Variants in LAMA2 observed in about 807,000 individuals in gnomAD.
LAMA2 encodes the protein laminin subunit alpha 2, also known as laminin subunit alpha-2.
Under a neutral mutation model 364.8 loss-of-function variants are expected in LAMA2, and 269 were observed. That is an observed-to-expected ratio of 0.74 (90% CI 0.67 to 0.82). LAMA2 has a LOEUF of 0.82. Ranked by LOEUF, LAMA2 falls within the 40% of genes least tolerant of loss-of-function variation. The pLI, the probability that LAMA2 is intolerant of heterozygous loss-of-function variation, is 0.00. For missense variants in LAMA2, 3,807 were observed against 3,873.2 expected (o/e 0.98, Z 0.45); for synonymous variants, 1,379 against 1,370.6 (o/e 1.01, Z -0.14).
intron 1 of LAMA2, among the ~76,000 whole-genome samples, chr6:129,039,019 G>A (rs1251343898): frequency 1.3e-5 from 2 of 152,126 alleles, no homozygotes; most frequent in Admixed American, 6.5e-5. Flanking sequence ...ATTATACAGT[G>A]CATGAACTCA....
intron 8 of LAMA2, among the ~76,000 whole-genome samples, chr6:129,155,697 C>A (rs1343148403): frequency 6.6e-6 from 1 of 152,218 alleles, no homozygotes; most frequent in East Asian, 1.9e-4. Flanking sequence ...GGATCAATTT[C>A]TAGAACCTCA....
chr6:129,136,547 GTTC>G (rs1197011510), intron 4 of LAMA2, among the ~76,000 whole-genome samples: 1 of 150,024 alleles, frequency 6.7e-6, no homozygotes, highest in African/African-American at 2.5e-5. Context: ...GAAGAGACAT[GTTC>G]TTCTTTGACC....
chr6:129,349,228 T>G, intron 30 of LAMA2, 70 bp from the exon 31 acceptor site: 1 of 1,195,312 alleles, frequency 8.4e-7, no homozygotes, highest in Non-Finnish European at 1.2e-6. Flanking sequence ...ACCTTGATCA[T>G]GGATAGGAAT....
At chr6:128,970,142 A>G (rs1285909799) in intron 1 of LAMA2, among the ~76,000 whole-genome samples, 1 of 152,192 alleles carries the variant, frequency 6.6e-6, no homozygotes, top group African/African-American at 2.4e-5. Context: ...TTGATGAATT[A>G]CCCAGTTTAA....
At chr6:129,282,638 C>A (rs1788801880) in intron 18 of LAMA2, among the ~76,000 whole-genome samples, 1 of 152,268 alleles carries the variant, frequency 6.6e-6, no homozygotes, top group Non-Finnish European at 1.5e-5. Context: ...GCTGACCTAT[C>A]CCTTTTTCTC....
At chr6:128,954,187 TTAG>T (rs1781007116) in intron 1 of LAMA2, among the ~76,000 whole-genome samples, 1 of 152,098 alleles carries the variant, frequency 6.6e-6, no homozygotes, top group Non-Finnish European at 1.5e-5. Context: ...GTCATTATTA[TTAG>T]AAGAACACAT....
intron 1 of LAMA2, among the ~76,000 whole-genome samples, chr6:129,022,752 A>G (rs78352808): frequency 0.015 from 2,332 of 152,294 alleles, 73 homozygotes; most frequent in African/African-American, 0.053. Flanking sequence ...CGCCGACACA[A>G]CTTTCTATTT....
intron 14 of LAMA2, among the ~76,000 whole-genome samples, chr6:129,254,444 C>G (rs956968073): frequency 5.9e-5 from 9 of 152,090 alleles, no homozygotes; most frequent in Non-Finnish European, 1.0e-4. Context: ...AAAAAGTCAC[C>G]GCAAGAATTG....
intron 1 of LAMA2, among the ~76,000 whole-genome samples, chr6:128,961,240 G>A (rs952716831): frequency 3.5e-5 from 5 of 142,740 alleles, no homozygotes; most frequent in Non-Finnish European, 7.6e-5. Flanking sequence ...ATCCTTCACT[G>A]CATGGTAATT....
chr6:129,203,761 G>A (rs1352109900), intron 12 of LAMA2, among the ~76,000 whole-genome samples: 2 of 152,034 alleles, frequency 1.3e-5, no homozygotes, highest in Non-Finnish European at 2.9e-5. Context: ...GTCTTTATGC[G>A]TTTCACAGAC....
rs1256775558 is a variant in LAMA2, at chr6:129,333,537, T to A, written c.4311+5125T>A. On this transcript the variant is annotated intron_variant, in intron 29 of 64. Transcript: ENST00000421865. ...ATTTAAGAGGTGATCATATATAGGTTTTTCACCTTAAACAGAACCATAAAT... is the reference window on the plus strand; with the variant it reads ...ATTTAAGAGGTGATCATATATAGGTATTTCACCTTAAACAGAACCATAAAT... Among the ~76,000 whole-genome samples, 3 of 152,126 alleles carry A rather than the reference T, an allele frequency of 2.0e-5. No individual in the cohort carries two copies. The South Asian group carries it at 6.2e-4, about 32-fold the overall frequency.
intron 10 of LAMA2, among the ~76,000 whole-genome samples, chr6:129,183,843 C>A (rs1381730424): frequency 6.6e-6 from 1 of 151,684 alleles, no homozygotes; most frequent in African/African-American, 2.4e-5. Context: ...ATGATATGGA[C>A]CCTATATATT....
intron 3 of LAMA2, among the ~76,000 whole-genome samples, chr6:129,079,553 G>GTT (rs111592167): frequency 1.6e-4 from 22 of 139,904 alleles, no homozygotes; most frequent in South Asian, 4.6e-4. Context: ...TTCTTTTTCT[G>GTT]TTTTTTTTTT....
chr6:128,955,473 G>A (rs9492157), intron 1 of LAMA2, among the ~76,000 whole-genome samples: 1,692 of 151,934 alleles, frequency 0.011, 31 homozygotes, highest in African/African-American at 0.039. Flanking sequence ...AAAAGTTTTC[G>A]TTATAGATTC....
At chr6:129,455,330 G>A (rs1249386728) in intron 47 of LAMA2, among the ~76,000 whole-genome samples, 2 of 152,142 alleles carry the variant, frequency 1.3e-5, no homozygotes, top group Non-Finnish European at 2.9e-5. Context: ...GTGTGCATGT[G>A]TGAGAGAGAG....
At chr6:129,132,029 T>C (rs1433473462) in intron 4 of LAMA2, among the ~76,000 whole-genome samples, 2 of 152,172 alleles carry the variant, frequency 1.3e-5, no homozygotes, top group African/African-American at 2.4e-5. Context: ...ACAACCTTCG[T>C]GTTGGTCCTT....
chr6:129,118,247 A>G (rs796820779), intron 4 of LAMA2, among the ~76,000 whole-genome samples: 12 of 152,228 alleles, frequency 7.9e-5, no homozygotes, highest in African/African-American at 2.9e-4. Flanking sequence ...GATTGTGTCT[A>G]ATAAAAACTG....
At chr6:129,385,987 G>C (rs1778994820) in intron 35 of LAMA2, among the ~76,000 whole-genome samples, 1 of 152,090 alleles carries the variant, frequency 6.6e-6, no homozygotes, top group Non-Finnish European at 1.5e-5. Flanking sequence ...AGTCTACTAA[G>C]ATGCTTAGTA....
chr6:129,066,479 A>G (rs543133159), intron 3 of LAMA2, among the ~76,000 whole-genome samples: 1 of 152,236 alleles, frequency 6.6e-6, no homozygotes, highest in Non-Finnish European at 1.5e-5. Context: ...GTTTTGTGGA[A>G]TAACTAATAT....
Sources: allele counts gnomAD v4.1 joint callset (sites outside exome capture counted in the v4.1 genomes callset), GRCh38; gene constraint gnomAD v4.1.1; transcripts MANE v1.5; gene names NCBI Gene and HGNC (gene_info 2026-07-23, HGNC 2026-07-21).